RGS6: variants seen among roughly 807,000 people sequenced by gnomAD.
RGS6 encodes regulator of G-protein signaling 6.
A neutral mutation model predicts 78.5 loss-of-function variants in RGS6; 30 were observed. The ratio of observed to expected loss-of-function variants is 0.38; its 90% CI spans 0.29 to 0.52. The LOEUF (loss-of-function observed/expected upper bound fraction) is 0.52. RGS6 is among the 20% of genes least tolerant of loss of function. The pLI, the probability that RGS6 is intolerant of heterozygous loss-of-function variation, is 0.85. For missense variants in RGS6, 495 were observed against 609.7 expected (o/e 0.81, Z 1.98); for synonymous variants, 206 against 206.0 (o/e 1.00, Z 0.00).
At chr14:72,028,842 T>TA (rs1385715232) in intron 2 of RGS6, among the ~76,000 whole-genome samples, 3 of 152,202 alleles carry the variant, frequency 2.0e-5, no homozygotes, top group Non-Finnish European at 4.4e-5. Context: ...GACTGCAAAG[T>TA]AAAAAATGAC....
chr14:72,402,075 G>A (rs894828273), intron 3 of RGS6, among the ~76,000 whole-genome samples: 2 of 152,214 alleles, frequency 1.3e-5, no homozygotes, highest in Non-Finnish European at 2.9e-5. Flanking sequence ...CAGCCAATCC[G>A]TGGGATCGGG....
At chr14:72,114,355 C>T (rs1381295222) in intron 2 of RGS6, among the ~76,000 whole-genome samples, 3 of 152,216 alleles carry the variant, frequency 2.0e-5, no homozygotes, top group Non-Finnish European at 4.4e-5. Flanking sequence ...CCTGGTGTCA[C>T]TGCACCTCTG....
At chr14:72,195,207 C>CA (rs539081840) in intron 2 of RGS6, among the ~76,000 whole-genome samples, 2,425 of 138,678 alleles carry the variant, frequency 0.017, 19 homozygotes, top group African/African-American at 0.029. Flanking sequence ...AACTCCATCT[C>CA]AAAAAAAAAA....
chr14:72,151,495 C>G (rs1055366463), intron 2 of RGS6, among the ~76,000 whole-genome samples: 10 of 152,096 alleles, frequency 6.6e-5, no homozygotes, highest in African/African-American at 2.2e-4. Context: ...TAATTGCCTT[C>G]GAGAGATGCA....
intron 2 of RGS6, among the ~76,000 whole-genome samples, chr14:72,282,967 A>C (rs1366582576): frequency 6.6e-6 from 1 of 151,568 alleles, no homozygotes; most frequent in African/African-American, 2.4e-5. Context: ...CCACGATTCT[A>C]CTCTCTGCTT....
intron 6 of RGS6, among the ~76,000 whole-genome samples, chr14:72,462,469 G>A (rs2095806040): frequency 6.6e-6 from 1 of 152,130 alleles, no homozygotes; most frequent in South Asian, 2.1e-4. Flanking sequence ...TAAGATGGGG[G>A]TAATAACAGA....
chr14:71,981,544 TG>T (rs2094454118), intron 2 of RGS6, among the ~76,000 whole-genome samples: 2 of 151,524 alleles, frequency 1.3e-5, no homozygotes, highest in South Asian at 2.1e-4. Context: ...GTGCCCCTGC[TG>T]GGGGGTGCCT....
chr14:72,432,780 T>C (rs1296671550), intron 3 of RGS6, among the ~76,000 whole-genome samples: 1 of 152,124 alleles, frequency 6.6e-6, no homozygotes, highest in African/African-American at 2.4e-5. Flanking sequence ...CTTTTGGTTG[T>C]TGTTTATTTT....
chr14:72,021,755 G>C (rs2088634456), intron 2 of RGS6, among the ~76,000 whole-genome samples: 1 of 151,586 alleles, frequency 6.6e-6, no homozygotes, highest in Non-Finnish European at 1.5e-5. Context: ...TACAGGTGTG[G>C]GCCACTGCGC....
the RGS6 span, among the ~76,000 whole-genome samples, chr14:72,572,941 G>T: frequency 3.3e-5 from 5 of 151,314 alleles, no homozygotes; most frequent in Admixed American, 6.6e-5. Context: ...AGGGAGGGAA[G>T]GAGAGAGAAA....
the RGS6 span, among the ~76,000 whole-genome samples, chr14:72,621,956 T>C: frequency 6.6e-6 from 1 of 152,158 alleles, no homozygotes; most frequent in African/African-American, 2.4e-5. Flanking sequence ...AGGGATGACC[T>C]GGAGGCTGTT....
intron 2 of RGS6, among the ~76,000 whole-genome samples, chr14:72,129,573 C>G (rs1401822276): frequency 6.6e-6 from 1 of 152,170 alleles, no homozygotes; most frequent in Non-Finnish European, 1.5e-5. Flanking sequence ...GACATCTGTT[C>G]TGCAGTCAGA....
chr14:72,525,059 T>C (rs116018166), intron 15 of RGS6, among the ~76,000 whole-genome samples: 1 of 152,362 alleles, frequency 6.6e-6, no homozygotes, highest in African/African-American at 2.4e-5. Flanking sequence ...AATTTGGTCT[T>C]CTTTACCTTT....
intron 2 of RGS6, among the ~76,000 whole-genome samples, chr14:72,053,988 TG>T (rs2153421170): frequency 6.6e-6 from 1 of 152,334 alleles, no homozygotes; most frequent in South Asian, 2.1e-4. Context: ...ACCGAATGGT[TG>T]AGATTAATTT....
rs931286330 is a variant in RGS6 at position 72,565,033 on chromosome 14, T to G, written c.*2566T>G. 6.6e-6 allele frequency: 1 copy of G among 152,242 alleles called. No homozygotes were observed. Among genetic ancestry groups the G allele is most frequent in the Non-Finnish European group, 1.5e-5 (1 of 68,058 alleles). 9.4% of individuals were successfully genotyped at this position (152,242 alleles called of 1,614,324 possible). ...CAGAACTTGGTCATGCAAGTACATTTGGAAAATCTGGTCTTGGCCCGTCCC... is the reference window on the plus strand; with the variant it reads ...CAGAACTTGGTCATGCAAGTACATTGGGAAAATCTGGTCTTGGCCCGTCCC... On this transcript the variant is annotated 3_prime_UTR_variant, in exon 18 of 18. Transcript: ENST00000553525.
At chr14:72,598,022 GTTAT>G in the RGS6 span, among the ~76,000 whole-genome samples, 1 of 152,206 alleles carries the variant, frequency 6.6e-6, no homozygotes, top group Non-Finnish European at 1.5e-5. Flanking sequence ...GTGGGTGTCT[GTTAT>G]TTACAACAAA....
At chr14:72,527,770 C>A (rs763587379) in intron 15 of RGS6, among the ~76,000 whole-genome samples, 3 of 152,120 alleles carry the variant, frequency 2.0e-5, no homozygotes, top group African/African-American at 4.8e-5. Context: ...TGTCCATCAC[C>A]CCACACAGCA....
intron 2 of RGS6, among the ~76,000 whole-genome samples, chr14:72,001,284 A>G (rs2083369072): frequency 6.6e-6 from 1 of 152,220 alleles, no homozygotes; most frequent in African/African-American, 2.4e-5. Flanking sequence ...TTTGTGGAAT[A>G]TGAAATCAGT....
chr14:72,338,923 C>T (rs1424461195), intron 2 of RGS6, among the ~76,000 whole-genome samples: 5 of 152,060 alleles, frequency 3.3e-5, no homozygotes, highest in African/African-American at 1.2e-4. Flanking sequence ...AGGCACTGCC[C>T]TGAGAGATTT....
Sources: gnomAD v4.1 joint callset for allele counts (sites outside exome capture counted in the v4.1 genomes callset) on GRCh38, gnomAD v4.1.1 for gene constraint, MANE v1.5 for transcripts, NCBI Gene and HGNC (gene_info 2026-07-23, HGNC 2026-07-21) for gene names.